Variants in FARP1 observed in about 807,000 individuals in gnomAD.
The protein encoded by FARP1 is FERM, ARHGEF and pleckstrin domain-containing protein 1.
A neutral mutation model predicts 128.8 loss-of-function variants in FARP1; 52 were observed. The observed-to-expected ratio is 0.40, with a 90% CI of 0.32 to 0.51. The LOEUF (loss-of-function observed/expected upper bound fraction) is 0.51, where lower values mean the gene tolerates loss of function less well. FARP1 is among the 20% of genes least tolerant of loss of function. FARP1 has a pLI of 0.45. For missense variants in FARP1, 1,333 were observed against 1,367.9 expected (o/e 0.97, Z 0.40); for synonymous variants, 580 against 551.8 (o/e 1.05, Z -0.72).
At chr13:98,324,134 A>G (rs1887126647) in intron 2 of FARP1, among the ~76,000 whole-genome samples, 1 of 152,244 alleles carries the variant, frequency 6.6e-6, no homozygotes, top group African/African-American at 2.4e-5. Context: ...CATTGAAGTT[A>G]TGTATAATGG....
chr13:98,233,516 G>C (rs1481563676), intron 2 of FARP1: 1 of 152,194 alleles, frequency 6.6e-6, no homozygotes, highest in Non-Finnish European at 1.5e-5. Context: ...ACAAGCCCCA[G>C]GGTGGGGCCA....
intron 2 of FARP1, among the ~76,000 whole-genome samples, chr13:98,257,218 ATTT>A (rs1883657884): frequency 6.6e-6 from 1 of 151,996 alleles, no homozygotes; most frequent in African/African-American, 2.4e-5. Flanking sequence ...TCATCTGTGT[ATTT>A]AAAACAACAC....
chr13:98,260,360 A>G (rs1883819020), intron 2 of FARP1, among the ~76,000 whole-genome samples: 2 of 152,246 alleles, frequency 1.3e-5, no homozygotes, highest in African/African-American at 4.8e-5. Flanking sequence ...GCCTATTGAT[A>G]GGTGAAACAC....
At chr13:98,417,706 T>A (rs908277214) in intron 16 of FARP1, among the ~76,000 whole-genome samples, 4 of 152,172 alleles carry the variant, frequency 2.6e-5, no homozygotes, top group African/African-American at 9.7e-5. Context: ...CTCTCACAGC[T>A]GCTGTCAGGA....
intron 1 of FARP1, among the ~76,000 whole-genome samples, chr13:98,193,299 A>T (rs1055488347): frequency 6.6e-6 from 1 of 151,512 alleles, no homozygotes. Flanking sequence ...CTCGTGATCC[A>T]CCCGCCTCGG....
intron 1 of FARP1, among the ~76,000 whole-genome samples, chr13:98,146,556 C>G (rs1875580479): frequency 6.6e-6 from 1 of 152,170 alleles, no homozygotes; most frequent in African/African-American, 2.4e-5. Flanking sequence ...GCATGGTGGA[C>G]TGGACATTTT....
intron 2 of FARP1, among the ~76,000 whole-genome samples, chr13:98,313,934 A>G (rs1431790420): frequency 1.1e-4 from 17 of 152,302 alleles, no homozygotes; most frequent in South Asian, 6.2e-4. Context: ...ATCATCATCT[A>G]AACAAAGACT....
intron 2 of FARP1, among the ~76,000 whole-genome samples, chr13:98,267,695 T>A (rs1462490268): frequency 6.6e-6 from 1 of 152,224 alleles, no homozygotes; most frequent in Non-Finnish European, 1.5e-5. Flanking sequence ...ACAGTGTATG[T>A]CCCCTCACCC....
chr13:98,160,102 C>T (rs1010220738), intron 1 of FARP1, among the ~76,000 whole-genome samples: 2 of 152,192 alleles, frequency 1.3e-5, no homozygotes, highest in Non-Finnish European at 2.9e-5. Flanking sequence ...AGCATTTCAC[C>T]TTTTAGAAAC....
intron 23 of FARP1, 136 bp downstream of exon 23, chr13:98,440,371 C>A: frequency 1.4e-6 from 1 of 705,074 alleles, no homozygotes; most frequent in South Asian, 1.7e-5. Flanking sequence ...AAGATCAAGA[C>A]AGTTCTTTTT....
chr13:98,386,887 G>A (rs1398584530), intron 8 of FARP1, among the ~76,000 whole-genome samples: 2 of 152,216 alleles, frequency 1.3e-5, no homozygotes, highest in African/African-American at 2.4e-5. Context: ...ATCCCAAGAA[G>A]AGTTAAGTTG....
chr13:98,377,288 G>A (rs1205701998), intron 5 of FARP1, among the ~76,000 whole-genome samples: 18 of 144,114 alleles, frequency 1.2e-4, no homozygotes, highest in Non-Finnish European at 2.5e-4. Flanking sequence ...GCGACAGAGC[G>A]AGACTTTGTC....
intron 2 of FARP1, among the ~76,000 whole-genome samples, chr13:98,281,725 G>C (rs1884945339): frequency 6.6e-6 from 1 of 152,178 alleles, no homozygotes; most frequent in Non-Finnish European, 1.5e-5. Flanking sequence ...CAATACAGGG[G>C]AGTGATATTC....
chr13:98,146,000 A>G (rs1326183891), intron 1 of FARP1, among the ~76,000 whole-genome samples: 1 of 152,122 alleles, frequency 6.6e-6, no homozygotes, highest in African/African-American at 2.4e-5. Context: ...CATTTAATTT[A>G]TTGAACACCT....
intron 1 of FARP1, among the ~76,000 whole-genome samples, chr13:98,184,109 C>A (rs1052141577): frequency 1.3e-5 from 2 of 152,068 alleles, no homozygotes; most frequent in African/African-American, 2.4e-5. Context: ...AGCCAGCAAG[C>A]ATTGTTTTTT....
rs1893263098 is a variant in FARP1, at chr13:98,452,888, C to A, written c.*4571C>A. 1 of 337,092 alleles carries A rather than the reference C, an allele frequency of 3.0e-6. No homozygotes were observed. Among genetic ancestry groups the A allele is most frequent in the South Asian group, 8.6e-5 (1 of 11,672 alleles). 20.9% of individuals were successfully genotyped at this position (337,092 alleles called of 1,614,324 possible). A position where few individuals can be genotyped will look rare whatever the true frequency, so the allele number is the denominator to read the frequency against. ...GGGTTTGTTTTTGTTTTTAAAGACA[C>A]TTTCCTGGAATATGTGCACTATGGT... On this transcript the variant is annotated 3_prime_UTR_variant, in exon 27 of 27. Coordinates refer to ENST00000319562, the MANE Select transcript of FARP1 (RefSeq NM_005766.4).
At chr13:98,254,952 T>TG (rs1169122962) in intron 2 of FARP1, among the ~76,000 whole-genome samples, 1 of 152,028 alleles carries the variant, frequency 6.6e-6, no homozygotes, top group Non-Finnish European at 1.5e-5. Flanking sequence ...CCTCTTTTTT[T>TG]TTTTAAAGGT....
At chr13:98,269,495 A>G (rs923377518) in intron 2 of FARP1, among the ~76,000 whole-genome samples, 22 of 152,322 alleles carry the variant, frequency 1.4e-4, no homozygotes, top group African/African-American at 5.3e-4. Context: ...TGGCATCTCA[A>G]CAGACTCATC....
intron 2 of FARP1, among the ~76,000 whole-genome samples, chr13:98,303,949 C>T (rs914955336): frequency 6.6e-6 from 1 of 152,206 alleles, no homozygotes; most frequent in East Asian, 1.9e-4. Flanking sequence ...CATCAGAGTT[C>T]ACTCGTTACT....
Sources: allele counts gnomAD v4.1 joint callset (sites outside exome capture counted in the v4.1 genomes callset), GRCh38; gene constraint gnomAD v4.1.1; transcripts MANE v1.5; gene names NCBI Gene and HGNC (gene_info 2026-07-23, HGNC 2026-07-21).